The following HMCN1 variants were observed in gnomAD, a reference collection of about 807,000 sequenced individuals.
The protein encoded by HMCN1 is hemicentin-1.
Under a neutral mutation model 625.9 loss-of-function variants are expected in HMCN1, and 321 were observed. The observed-to-expected ratio is 0.51, with a 90% CI of 0.47 to 0.56. HMCN1 has a LOEUF of 0.56. HMCN1 is among the 20% of genes least tolerant of loss of function. The probability of loss-of-function intolerance (pLI) is 0.00; values close to 1 mark genes in which losing one functional copy is unlikely to be tolerated. For missense variants in HMCN1, 6,588 were observed against 6,887.3 expected, an observed-to-expected ratio of 0.96 and a Z score of 1.54; for synonymous variants, 2,425 against 2,417.6, an observed-to-expected ratio of 1.00 and a Z score of -0.09.
chr1:186,076,012 C>A (rs1658790495), intron 53 of HMCN1, among the ~76,000 whole-genome samples: 1 of 152,126 alleles, frequency 6.6e-6, no homozygotes, highest in African/African-American at 2.4e-5. Context: ...ATCCTGATTG[C>A]ATAATTTCTT....
chr1:186,182,303 G>A lies in HMCN1; in HGVS notation c.16414+16G>A. ...ACATGCCAAGGTGAGAAAACATTGG[G>A]ATGTTTATTGTTGCAAACTTGACTA... On this transcript the variant is annotated intron_variant, in intron 105 of 106. Coordinates refer to ENST00000271588, the MANE Select transcript of HMCN1 (RefSeq NM_031935.3). The A allele has an allele frequency of 6.2e-7, 1 of 1,612,804 alleles. No homozygotes were observed. The highest frequency in any genetic ancestry group is 8.5e-7 in the Non-Finnish European group (1 of 1,179,060).
At chr1:186,001,217 T>C (rs1653174074) in intron 26 of HMCN1, 81 bp from the exon 27 acceptor site, 3 of 1,195,568 alleles carry the variant, frequency 2.5e-6, no homozygotes, top group South Asian at 1.3e-5. Flanking sequence ...CAGAATTTGC[T>C]GTATAAAGGC....
chr1:185,798,907 A>G (rs139463896), intron 1 of HMCN1, among the ~76,000 whole-genome samples: 16 of 152,272 alleles, frequency 1.1e-4, no homozygotes, highest in African/African-American at 3.6e-4. Context: ...AGGACCTACT[A>G]CTAGAGAGTT....
At chr1:185,769,374 G>C (rs539023227) in intron 1 of HMCN1, among the ~76,000 whole-genome samples, 1 of 152,260 alleles carries the variant, frequency 6.6e-6, no homozygotes, top group Admixed American at 6.5e-5. Context: ...CTTAAGCCCA[G>C]GAGGTCAAGG....
At chr1:185,842,867 G>C (rs944778309) in intron 1 of HMCN1, among the ~76,000 whole-genome samples, 7 of 152,150 alleles carry the variant, frequency 4.6e-5, no homozygotes, top group African/African-American at 1.7e-4. Context: ...AAGGATGTTA[G>C]TCTTCTCCTT....
intron 82 of HMCN1, 56 bp from the exon 83 acceptor site, chr1:186,128,022 T>A: frequency 6.9e-7 from 1 of 1,458,528 alleles, no homozygotes. Context: ...TTGATGTATT[T>A]TATGTACTAT....
At chr1:185,989,005 CTTTTTTTTTT>C (rs569764243) in intron 20 of HMCN1, among the ~76,000 whole-genome samples, 1 of 117,576 alleles carries the variant, frequency 8.5e-6, no homozygotes. Flanking sequence ...ACTTTTAGTA[CTTTTTTTTTT>C]TTTTTTTTTT....
chr1:186,023,340 T>C (rs1254838237), intron 36 of HMCN1, among the ~76,000 whole-genome samples, 187 bp downstream of exon 36: 2 of 151,908 alleles, frequency 1.3e-5, no homozygotes, highest in Non-Finnish European at 2.9e-5. Context: ...TGTTAGGATC[T>C]TCTGTTTTCA....
chr1:185,864,636 A>G lies in HMCN1; in HGVS notation c.498+8A>G. 6.2e-7 allele frequency: 1 copy of G among 1,613,794 alleles called. No homozygotes were observed. The highest frequency in any genetic ancestry group is 8.5e-7 in the Non-Finnish European group (1 of 1,179,780). ...CAACAGAAACAGTCACAAGTGAGTA[A>G]GAATCAACCCCAAACGTCTCTGTCT... On this transcript the variant is annotated splice_region_variant and intron_variant, in intron 3 of 106. Coordinates refer to ENST00000271588, the MANE Select transcript of HMCN1 (RefSeq NM_031935.3).
chr1:185,997,874 A>G (rs924552248), intron 25 of HMCN1, among the ~76,000 whole-genome samples: 6 of 149,974 alleles, frequency 4.0e-5, no homozygotes, highest in African/African-American at 9.8e-5. Context: ...AAAATATTCC[A>G]TATTTATCTC....
In HMCN1 at chr1:186,095,373, T is replaced by A. The variant is rs1436579693; in HGVS notation, c.10425T>A (p.Pro3475=). The A allele has an allele frequency of 6.2e-7, 1 of 1,613,750 alleles. No homozygotes were observed. The highest frequency in any genetic ancestry group is 2.2e-5 in the East Asian group (1 of 44,854). The change falls in exon 68 of 107, where the codon CCT becomes CCA. Residue 3475 remains proline, a synonymous_variant. Transcript: ENST00000271588. The part of the protein sequence containing the change: ...PSMAWLRDGQ[P]LGLDAHLTVS... Reference sequence around the variant, plus strand: ...TGGCCTGGCTTAGAGATGGCCAGCCTCTGGGGCTTGATGCCCATCTGACAG... The same window carrying A: ...TGGCCTGGCTTAGAGATGGCCAGCCACTGGGGCTTGATGCCCATCTGACAG...
chr1:186,158,593 A>T (rs1651202847), intron 97 of HMCN1, among the ~76,000 whole-genome samples: 1 of 152,068 alleles, frequency 6.6e-6, no homozygotes, highest in Non-Finnish European at 1.5e-5. Context: ...TCTTTAATCC[A>T]TCTTGAATTG....
intron 48 of HMCN1, among the ~76,000 whole-genome samples, chr1:186,064,360 A>C (rs1558189350): frequency 6.6e-6 from 1 of 152,228 alleles, no homozygotes; most frequent in Non-Finnish European, 1.5e-5. Flanking sequence ...ATATTAAAGA[A>C]TAATTAATAT....
At position 186,145,666 on chromosome 1, in the gene HMCN1, G is replaced by A. The variant is rs560974172; in HGVS notation, c.14438-87G>A. 7 of 1,611,228 alleles carry A rather than the reference G, an allele frequency of 4.3e-6. No individual in the cohort carries two copies. The East Asian group carries it at 6.7e-5, about 15-fold the overall frequency. Reference sequence around the variant, plus strand: ...TATTGCTTCAGACCTTAAAATGAAAGTTGTATAGGCAGGGGCACCCCAAGT... The same window carrying A: ...TATTGCTTCAGACCTTAAAATGAAAATTGTATAGGCAGGGGCACCCCAAGT... On this transcript the variant is annotated intron_variant, in intron 92 of 106. Transcript: ENST00000271588.
intron 40 of HMCN1, among the ~76,000 whole-genome samples, chr1:186,043,056 A>G (rs1656313796): frequency 2.0e-5 from 3 of 152,168 alleles, no homozygotes; most frequent in Admixed American, 2.0e-4. Flanking sequence ...ATTTGGATTC[A>G]TGTAGTACCT....
At chr1:186,010,477 AG>A (rs1653930499) in intron 30 of HMCN1, among the ~76,000 whole-genome samples, 1 of 152,208 alleles carries the variant, frequency 6.6e-6, no homozygotes, top group African/African-American at 2.4e-5. Flanking sequence ...CTTTTAAAGT[AG>A]ATCCTTCCTG....
At chr1:186,189,455 C>T in intron 106 of HMCN1, 57 bp from the exon 107 acceptor site, 1 of 1,596,256 alleles carries the variant, frequency 6.3e-7, no homozygotes, top group Non-Finnish European at 8.5e-7. Context: ...TCACCTATAT[C>T]ATGCCTCCTC....
rs777446811 is a variant in HMCN1, at chr1:185,911,733, A to G, written c.853A>G (p.Lys285Glu). ...GCTATTAAATATCCATAACTCTGCCAAAGTAGTGAATGTGAAAGAGCCAGA... is the reference window on the plus strand; with the variant it reads ...GCTATTAAATATCCATAACTCTGCCGAAGTAGTGAATGTGAAAGAGCCAGA... ...HELLNIHNSAKVVNVKEPEAG... is the reference protein window; with the variant it reads ...HELLNIHNSAEVVNVKEPEAG... The change falls in exon 6 of 107, where the codon AAA becomes GAA. Residue 285 changes from lysine (K) to glutamate (E), a missense_variant. By Grantham distance (56) the Lys-to-Glu change is moderately conservative. Coordinates refer to ENST00000271588, the MANE Select transcript of HMCN1 (RefSeq NM_031935.3). 10 of 1,613,622 alleles carry G rather than the reference A, an allele frequency of 6.2e-6. No individual in the cohort carries two copies. Among genetic ancestry groups the G allele is most frequent in the Middle Eastern group, 3.3e-4 (2 of 6,056 alleles).
chr1:185,960,317 C>T (rs899308410), intron 11 of HMCN1, among the ~76,000 whole-genome samples: 4 of 151,852 alleles, frequency 2.6e-5, no homozygotes, highest in Non-Finnish European at 5.9e-5. Context: ...TTGGTAGAGA[C>T]AGAGTTTCTC....
Sources: allele counts gnomAD v4.1 joint callset (sites outside exome capture counted in the v4.1 genomes callset), GRCh38; gene constraint gnomAD v4.1.1; transcripts MANE v1.5; gene names NCBI Gene and HGNC (gene_info 2026-07-23, HGNC 2026-07-21).